CLSTN3: variants seen among roughly 807,000 people sequenced by gnomAD.
The protein encoded by CLSTN3 is calsyntenin-3.
In CLSTN3, 36 loss-of-function variants were observed where a neutral mutation model predicts 95.9. The observed-to-expected ratio is 0.38, with a 90% CI of 0.29 to 0.50. The LOEUF is 0.50. CLSTN3 is among the 20% of genes least tolerant of loss of function. CLSTN3 has a pLI of 0.95. For missense variants in CLSTN3, 1,084 were observed against 1,268.8 expected (o/e 0.85, Z 2.21); for synonymous variants, 481 against 504.0 (o/e 0.95, Z 0.61).
chr12:7,133,869 C>G lies in CLSTN3; in HGVS notation c.383+101C>G, dbSNP rs1046447551. 4.6e-5 allele frequency: 44 copies of G among 963,480 alleles called. No individual in the cohort carries two copies. The highest frequency in any genetic ancestry group is 6.6e-5 in the Non-Finnish European group (43 of 653,426). The allele number at this position is 963,480 out of a possible 1,614,324, so 59.7% of individuals were successfully genotyped here. On this transcript the variant is annotated intron_variant, in intron 3 of 17. Transcript: ENST00000266546. The surrounding 1 kb of genome is among the most constrained non-coding windows in gnomAD (Gnocchi z 4.7). ...CGTGCGGTCATCGAATATCCACCCCCACCCGCTGCTGTTCCTAGGACTTAG... is the reference window on the plus strand; with the variant it reads ...CGTGCGGTCATCGAATATCCACCCCGACCCGCTGCTGTTCCTAGGACTTAG...
rs376456144 is a variant in CLSTN3, at chr12:7,133,873, C to G, written c.383+105C>G. On this transcript the variant is annotated intron_variant, in intron 3 of 17. Coordinates refer to ENST00000266546, the MANE Select transcript of CLSTN3 (RefSeq NM_014718.4). This position sits in a 1 kb window ranked among gnomAD's most constrained non-coding sequence, Gnocchi z 4.7. Reference sequence around the variant, plus strand: ...CGGTCATCGAATATCCACCCCCACCCGCTGCTGTTCCTAGGACTTAGGGAG... The same window carrying G: ...CGGTCATCGAATATCCACCCCCACCGGCTGCTGTTCCTAGGACTTAGGGAG... 4 of 932,062 alleles carry G rather than the reference C, an allele frequency of 4.3e-6. No individual in the cohort carries two copies. The highest frequency in any genetic ancestry group is 6.4e-6 in the Non-Finnish European group (4 of 627,226). 57.7% of individuals were successfully genotyped at this position (932,062 alleles called of 1,614,324 possible).
Position 7,150,995 on chromosome 12 carries a change from T to TGCACC in CLSTN3, c.2461_2465dup (p.Gly823ThrfsTer15). On this transcript the variant is annotated frameshift_variant, in exon 16 of 18. Transcript: ENST00000266546. LOFTEE classifies it high-confidence loss of function. This position sits in a 1 kb window ranked among gnomAD's most constrained non-coding sequence, Gnocchi z 4.0. ...CACGTGCTCAGCTCCCAGCAGTTCC[T>TGCACC]GCACCGTGGTCACCAGCCCCCGCCT... 1 of 1,613,318 alleles carries TGCACC rather than the reference T, an allele frequency of 6.2e-7. No individual in the cohort carries two copies. Among genetic ancestry groups the TGCACC allele is most frequent in the Non-Finnish European group, 8.5e-7 (1 of 1,179,538 alleles).
At position 7,137,088 on chromosome 12, in the gene CLSTN3, C is replaced by T. The variant is rs763717646; in HGVS notation, c.1188C>T (p.Ile396=). 16 of 1,613,254 alleles carry T rather than the reference C, an allele frequency of 9.9e-6. No homozygotes were observed. The East Asian group carries it at 1.8e-4, about 18-fold the overall frequency. Residue 396 remains isoleucine (I), a synonymous_variant, in exon 7 of 18, where the codon ATC becomes ATT. Transcript: ENST00000266546. The surrounding 1 kb of genome is among the most constrained non-coding windows in gnomAD (Gnocchi z 4.4). ...AGGGCAAGAAGGAAGAGGAAACCAT[C>T]GTATGTAACACTGTCCAGAATGGTG... ...PNKGKKEEET[I]VCNTVQNEDG...
rs200951848 is a variant in CLSTN3 at position 7,137,061 on chromosome 12, C to G, written c.1161C>G (p.Asn387Lys). 6 of 1,614,004 alleles carry G rather than the reference C, an allele frequency of 3.7e-6. No homozygotes were observed. The highest frequency in any genetic ancestry group is 4.2e-6 in the Non-Finnish European group (5 of 1,180,022). Residue 387 changes from asparagine to lysine, a missense_variant, in exon 7 of 18, where the codon AAC becomes AAG. Asn to Lys is a moderately conservative substitution (Grantham distance 94). Coordinates refer to ENST00000266546, the MANE Select transcript of CLSTN3 (RefSeq NM_014718.4). This position sits in a 1 kb window ranked among gnomAD's most constrained non-coding sequence, Gnocchi z 4.4. ...SFWMKHGVTPNKGKKEEETIV... is the reference protein window; with the variant it reads ...SFWMKHGVTPKKGKKEEETIV... ...GGATGAAGCATGGCGTAACTCCCAA[C>G]AAGGGCAAGAAGGAAGAGGAAACCA...
intron 6 of CLSTN3, 102 bp downstream of exon 6, chr12:7,136,493 G>GA (rs1283167283): frequency 3.5e-6 from 4 of 1,152,758 alleles, no homozygotes; most frequent in Admixed American, 5.4e-5. Context: ...GCCATCCACA[G>GA]GTGTTTATCC....
At chr12:7,156,836 CA>C in intron 16 of CLSTN3, 2 of 455,792 alleles carry the variant, frequency 4.4e-6, no homozygotes, top group Non-Finnish European at 8.8e-6. Context: ...AGGTATGCCT[CA>C]GGGGGAGATG....
chr12:7,151,059 C>G lies in CLSTN3; in HGVS notation c.2523C>G (p.Asn841Lys). 1 of 1,595,326 alleles carries G rather than the reference C, an allele frequency of 6.3e-7. No individual in the cohort carries two copies. Among genetic ancestry groups the G allele is most frequent in the South Asian group, 1.1e-5 (1 of 88,410 alleles). ...ACAGCCTAGCCAGCTCCCACAGAAA[C>G]TCCAGTACGTAAGCCTGGTGGGGCT... ...AGHSLASSHR[N>K]SMIPSAATLI... The change falls in exon 16 of 18, where the codon AAC becomes AAG. Residue 841 changes from asparagine to lysine, a missense_variant. By Grantham distance (94) the Asn-to-Lys change is moderately conservative. Coordinates refer to ENST00000266546, the MANE Select transcript of CLSTN3 (RefSeq NM_014718.4).
At chr12:7,156,383 G>A (rs1202708372) in intron 16 of CLSTN3, 1 of 456,698 alleles carries the variant, frequency 2.2e-6, no homozygotes, top group Non-Finnish European at 4.4e-6. Flanking sequence ...GCTCATGGCG[G>A]CTCGCTCTGT....
At chr12:7,136,472 C>A in intron 6 of CLSTN3, 81 bp downstream of exon 6, 2 of 1,310,514 alleles carry the variant, frequency 1.5e-6, no homozygotes, top group Non-Finnish European at 1.0e-6. Flanking sequence ...CTCTGCTTTA[C>A]ATCACCACTG....
At chr12:7,152,929 T>C (rs1039840316) in intron 16 of CLSTN3, among the ~76,000 whole-genome samples, 1 of 152,146 alleles carries the variant, frequency 6.6e-6, no homozygotes, top group Non-Finnish European at 1.5e-5. Flanking sequence ...TTTGATGCTT[T>C]AAAAAAGATT....
Position 7,133,447 on chromosome 12 carries a change from CT to C in CLSTN3, c.188-122del. 1 of 949,328 alleles carries C rather than the reference CT, an allele frequency of 1.1e-6. No homozygotes were observed. The highest frequency in any genetic ancestry group is 1.6e-6 in the Non-Finnish European group (1 of 627,970). 58.8% of individuals were successfully genotyped at this position (949,328 alleles called of 1,614,324 possible). A position where few individuals can be genotyped will look rare whatever the true frequency, so the allele number is the denominator to read the frequency against. On this transcript the variant is annotated intron_variant, in intron 2 of 17. Transcript: ENST00000266546. The surrounding 1 kb of genome is among the most constrained non-coding windows in gnomAD (Gnocchi z 4.7). Reference sequence around the variant, plus strand: ...AGAGTTGCGTGTTTGATCATTAATGCTTTTGTGCCTACAGGAGAAGGGACAG... The same window carrying C: ...AGAGTTGCGTGTTTGATCATTAATGCTTTGTGCCTACAGGAGAAGGGACAG...
Position 7,137,660 on chromosome 12 carries a change from T to C in CLSTN3, c.1211-295T>C, listed in dbSNP as rs1939452023. Reference sequence around the variant, plus strand: ...ATGATGTATGTATTAACCAAAGGACTGATGAAGAGCTGGTGATGGAGTGGG... The same window carrying C: ...ATGATGTATGTATTAACCAAAGGACCGATGAAGAGCTGGTGATGGAGTGGG... On this transcript the variant is annotated intron_variant, in intron 7 of 17. Coordinates refer to ENST00000266546, the MANE Select transcript of CLSTN3 (RefSeq NM_014718.4). The surrounding 1 kb of genome is among the most constrained non-coding windows in gnomAD (Gnocchi z 4.4). 6.6e-6 allele frequency among the ~76,000 whole-genome samples: 1 copy of C among 151,898 alleles called. No individual in the cohort carries two copies. The highest frequency in any genetic ancestry group is 2.4e-5 in the African/African-American group (1 of 41,358).
At chr12:7,153,272 GC>G (rs1939755569) in intron 16 of CLSTN3, among the ~76,000 whole-genome samples, 1 of 152,104 alleles carries the variant, frequency 6.6e-6, no homozygotes, top group Non-Finnish European at 1.5e-5. Flanking sequence ...TCCTGCCTTA[GC>G]CCCCTGAGGA....
rs1000769358 is a variant in CLSTN3 at position 7,157,131 on chromosome 12, G to A, written c.2528-358G>A. ...AGTGGTCTCTGGGGAAGGCACAGGTGGAATGACAGGGGCAGATTCCAGTCC... is the reference window on the plus strand; with the variant it reads ...AGTGGTCTCTGGGGAAGGCACAGGTAGAATGACAGGGGCAGATTCCAGTCC... On this transcript the variant is annotated intron_variant, in intron 16 of 17. Coordinates refer to ENST00000266546, the MANE Select transcript of CLSTN3 (RefSeq NM_014718.4). The surrounding 1 kb of genome is among the most constrained non-coding windows in gnomAD (Gnocchi z 5.9). Among the ~76,000 whole-genome samples the A allele has an allele frequency of 1.3e-5, 2 of 152,188 alleles. No individual in the cohort carries two copies. Among genetic ancestry groups the A allele is most frequent in the Non-Finnish European group, 2.9e-5 (2 of 68,032 alleles).
Position 7,157,115 on chromosome 12 carries a change from TGGG to T in CLSTN3, c.2528-372_2528-370del, listed in dbSNP as rs1939831403. Among the ~76,000 whole-genome samples the T allele has an allele frequency of 6.6e-6, 1 of 152,188 alleles. No individual in the cohort carries two copies. The highest frequency in any genetic ancestry group is 2.1e-4 in the South Asian group (1 of 4,826). ...CCTCTTTCCTAGGCTGAGTGGTCTC[TGGG>T]GAAGGCACAGGTGGAATGACAGGGG... On this transcript the variant is annotated intron_variant, in intron 16 of 17. Transcript: ENST00000266546. The surrounding 1 kb of genome is among the most constrained non-coding windows in gnomAD (Gnocchi z 5.9).
Position 7,158,015 on chromosome 12 carries a change from G to A in CLSTN3, c.2805G>A (p.Ser935=), listed in dbSNP as rs139917555. The change falls in exon 18 of 18, where the codon TCG becomes TCA. Residue 935 remains serine, a synonymous_variant. Transcript: ENST00000266546. ...AGGAGGATGAGGACAGCAGTGACTC[G>A]GAGGTGGCCGATTCCCCCAGCAGCG... ...GQQEDEDSSD[S]EVADSPSSDE... is the part of the protein sequence containing the mutation. 645 of 1,550,882 alleles carry A rather than the reference G, an allele frequency of 4.2e-4. 1 individual carries two copies. Among genetic ancestry groups the A allele is most frequent in the Middle Eastern group, 3.7e-3 (22 of 5,988 alleles).
rs1939836878 is a variant in CLSTN3, at chr12:7,157,443, A to C, written c.2528-46A>C. On this transcript the variant is annotated intron_variant, in intron 16 of 17. Transcript: ENST00000266546. The surrounding 1 kb of genome is among the most constrained non-coding windows in gnomAD (Gnocchi z 5.9). The stretch of plus-strand genomic sequence containing the variant: ...CCCAGCCCCCTGTCCAAGTGCCCCC[A>C]GGTGTGCCTAGTCACGCTCTGCTCA... 6.7e-7 allele frequency: 1 copy of C among 1,492,358 alleles called. No individual in the cohort carries two copies. The highest frequency in any genetic ancestry group is 9.0e-7 in the Non-Finnish European group (1 of 1,112,746). 92.4% of individuals were successfully genotyped at this position (1,492,358 alleles called of 1,614,324 possible). A position where few individuals can be genotyped will look rare whatever the true frequency, so the allele number is the denominator to read the frequency against.
rs1406822176 is a variant in CLSTN3 at position 7,143,011 on chromosome 12, G to A, written c.1683G>A (p.Leu561=). 2 of 1,613,800 alleles carry A rather than the reference G, an allele frequency of 1.2e-6. No homozygotes were observed. Among genetic ancestry groups the A allele is most frequent in the Non-Finnish European group, 1.7e-6 (2 of 1,179,882 alleles). The part of the protein sequence containing the change: ...EGLDYRDFES[L]GKGMKVHVNP... The stretch of plus-strand genomic sequence containing the variant: ...TGGACTATAGGGATTTCGAGAGCCT[G>A]GGCAAAGGCATGAAGGTATTGCCCC... The change falls in exon 11 of 18, where the codon CTG becomes CTA. Residue 561 remains leucine, a synonymous_variant. Coordinates refer to ENST00000266546, the MANE Select transcript of CLSTN3 (RefSeq NM_014718.4).
In CLSTN3 at chr12:7,136,251, C is replaced by T. The variant is rs752230806; in HGVS notation, c.788C>T (p.Ala263Val). Reference sequence around the variant, plus strand: ...TATGCACCAGGTGCTGGGAGCTTGGCTTTGTTCCCTGGTATCCGCCTGGAG... The same window carrying T: ...TATGCACCAGGTGCTGGGAGCTTGGTTTTGTTCCCTGGTATCCGCCTGGAG... ...IEYAPGAGSL[A>V]LFPGIRLETC... Residue 263 changes from alanine (A) to valine (V), a missense_variant, in exon 6 of 18, where the codon GCT (alanine) becomes GTT (valine). Physicochemically the swap from Ala to Val is moderately conservative, Grantham distance 64. Transcript: ENST00000266546. 2.5e-6 allele frequency: 4 copies of T among 1,614,204 alleles called. No individual in the cohort carries two copies. The highest frequency in any genetic ancestry group is 2.7e-5 in the African/African-American group (2 of 75,044).
Sources: gnomAD v4.1 joint callset for allele counts (sites outside exome capture counted in the v4.1 genomes callset) on GRCh38, gnomAD v4.1.1 for gene constraint, Gnocchi (gnomAD v3.1) non-coding constraint, MANE v1.5 for transcripts, NCBI Gene and HGNC (gene_info 2026-07-23, HGNC 2026-07-21) for gene names.